Variants in KLK15 observed in about 807,000 individuals in gnomAD.
KLK15 encodes the protein kallikrein-15.
Under a neutral mutation model 21.1 loss-of-function variants are expected in KLK15, and 19 were observed. The observed-to-expected ratio is 0.90, with a 90% confidence interval of 0.63 to 1.32. KLK15 has a LOEUF of 1.32. KLK15 is among the 40% of genes most tolerant of loss of function. The pLI is 0.00. For synonymous variants in KLK15, 141 were observed against 141.5 expected (o/e 1.00, Z 0.03); for missense variants, 345 against 348.6 (o/e 0.99, Z 0.08).
exon 1 of KLK15, chr19:50,831,511 GT>G (rs2089985451): frequency 6.9e-7 from 1 of 1,458,336 alleles, no homozygotes; most frequent in African/African-American, 1.5e-5. Flanking sequence ...AGGGACCAGG[GT>G]TCGGCTGCAG....
At position 50,827,225 on chromosome 19, in the gene KLK15, A is replaced by T. The variant is rs949793730; in HGVS notation, c.198-64T>A. On this transcript the variant is annotated intron_variant, in intron 2 of 4. Coordinates refer to ENST00000598239, the Ensembl canonical transcript of KLK15. The stretch of plus-strand genomic sequence containing the variant: ...GCCAGTGGTTACCCGCAAGTAGAGG[A>T]CAGAAAGATCAAAGAGTGGGCAACC... 3.4e-6 allele frequency: 5 copies of T among 1,491,480 alleles called. No homozygotes were observed. In the African/African-American group the frequency reaches 5.5e-5, roughly 17 times the overall value. 92.4% of individuals were successfully genotyped at this position (1,491,480 alleles called of 1,614,324 possible). A position where few individuals can be genotyped will look rare whatever the true frequency, so the allele number is the denominator to read the frequency against.
downstream of KLK15, chr19:50,825,527 G>A: frequency 6.4e-6 from 2 of 312,080 alleles, no homozygotes; most frequent in African/African-American, 2.1e-5. Flanking sequence ...AAGGAACAGT[G>A]TACAGTGTCT....
Position 50,831,462 on chromosome 19 carries a change from GC to G in KLK15, c.30del (p.Leu11TrpfsTer58). 6.9e-7 allele frequency: 1 copy of G among 1,443,236 alleles called. No individual in the cohort carries two copies. Among genetic ancestry groups the G allele is most frequent in the Non-Finnish European group, 9.1e-7 (1 of 1,103,496 alleles). The allele number at this position is 1,443,236 out of a possible 1,614,324, so 89.4% of individuals were successfully genotyped here. On this transcript the variant is annotated frameshift_variant, in exon 1 of 5. Coordinates refer to ENST00000598239, the Ensembl canonical transcript of KLK15. LOFTEE classifies it high-confidence loss of function. The stretch of plus-strand genomic sequence containing the variant: ...GGGGCCACCTCACCTGTGGATGCCA[GC>G]AGGAAGGAGAGAGTGAGGAGAAGCC...
Position 50,827,404 on chromosome 19 carries a change from C to T in KLK15, c.198-243G>A, listed in dbSNP as rs372213030. On this transcript the variant is annotated intron_variant, in intron 2 of 4. Coordinates refer to ENST00000598239, the Ensembl canonical transcript of KLK15. ...ATCCCCTCCAACTACTCCCAGCCCC[C>T]TCCTGGTCTGTCCCCGAATCCAGGA... 1.1e-4 allele frequency among the ~76,000 whole-genome samples: 17 copies of T among 151,848 alleles called. No individual in the cohort carries two copies. The East Asian group carries it at 3.1e-3, about 28-fold the overall frequency.
At chr19:50,833,390 G>T (rs1020371298), upstream of KLK15, among the ~76,000 whole-genome samples, 1 of 152,126 alleles carries the variant, frequency 6.6e-6, no homozygotes, top group African/African-American at 2.4e-5. Context: ...TCAATTTGGG[G>T]CATTGGTAAA....
At chr19:50,833,019 A>T (rs2090016080), upstream of KLK15, 1 of 152,250 alleles carries the variant, frequency 6.6e-6, no homozygotes, top group African/African-American at 2.4e-5. Context: ...CTCTTCTGGG[A>T]GGCCCCAACA....
At chr19:50,826,686 G>A in exon 4 of KLK15, 1 of 1,613,962 alleles carries the variant, frequency 6.2e-7, no homozygotes, top group Non-Finnish European at 8.5e-7. Context: ...AGGCGCCCTG[G>A]GTAGCTCTTG....
At chr19:50,828,438 G>T (rs546449551) in intron 1 of KLK15, among the ~76,000 whole-genome samples, 1 of 151,624 alleles carries the variant, frequency 6.6e-6, no homozygotes, top group Non-Finnish European at 1.5e-5. Context: ...AGTCATTCAC[G>T]GTCACCAAAT....
At chr19:50,829,891 A>G (rs1003957066) in intron 1 of KLK15, among the ~76,000 whole-genome samples, 3 of 151,672 alleles carry the variant, frequency 2.0e-5, no homozygotes, top group African/African-American at 7.3e-5. Context: ...GTAGAGTTAG[A>G]GCTGCAGACA....
chr19:50,826,041 C>T lies in KLK15; in HGVS notation c.619-93G>A. 2.3e-6 allele frequency: 3 copies of T among 1,284,022 alleles called. No individual in the cohort carries two copies. In the East Asian group the frequency reaches 7.4e-5, roughly 32 times the overall value. 79.5% of individuals were successfully genotyped at this position (1,284,022 alleles called of 1,614,324 possible). ...TTTGCAATCTCACCCCAAACCCAAT[C>T]CATCCCCATCCCAGGGAACCCCAAC... On this transcript the variant is annotated intron_variant, in intron 4 of 4. Coordinates refer to ENST00000598239, the Ensembl canonical transcript of KLK15.
intron 4 of KLK15, chr19:50,826,169 T>G (rs904563609): frequency 4.7e-5 from 25 of 528,840 alleles, no homozygotes; most frequent in Non-Finnish European, 8.0e-5. Flanking sequence ...CCAACCTATA[T>G]CCAATCTCAC....
chr19:50,829,008 G>A (rs998692193), intron 1 of KLK15, among the ~76,000 whole-genome samples: 1 of 140,336 alleles, frequency 7.1e-6, no homozygotes, highest in Admixed American at 7.2e-5. Flanking sequence ...TCACAGCACA[G>A]ATGTTCATAT....
downstream of KLK15, chr19:50,825,567 T>C (rs574121649): frequency 7.0e-5 from 29 of 412,056 alleles, no homozygotes; most frequent in African/African-American, 5.1e-4. Context: ...CAGAAAAAAG[T>C]CACAGAAATT....
upstream of KLK15, among the ~76,000 whole-genome samples, chr19:50,832,878 A>G (rs2090014530): frequency 6.6e-6 from 1 of 151,718 alleles, no homozygotes; most frequent in Non-Finnish European, 1.5e-5. Flanking sequence ...AGCTGGTCTG[A>G]CTCCACTCTG....
downstream of KLK15, chr19:50,825,721 C>G (rs1000854107): frequency 1.3e-6 from 2 of 1,485,988 alleles, no homozygotes; most frequent in African/African-American, 2.8e-5. Context: ...CCGTTCTGTT[C>G]CATGTCAGGC....
intron 1 of KLK15, 58 bp downstream of exon 2, chr19:50,831,392 T>C (rs1285057491): frequency 7.8e-7 from 1 of 1,281,946 alleles, no homozygotes. Context: ...GGCCCAGACA[T>C]GCTTGGGAAG....
At chr19:50,831,589 A>G (rs965284122), upstream of KLK15, 4 of 961,486 alleles carry the variant, frequency 4.2e-6, no homozygotes, top group African/African-American at 5.3e-5. Flanking sequence ...ATCCCTCCAG[A>G]CACAGACTTA....
intron 1 of KLK15, chr19:50,831,232 G>A (rs1007698283): frequency 1.0e-5 from 4 of 400,738 alleles, no homozygotes; most frequent in South Asian, 7.8e-5. Flanking sequence ...GTTCCTTGTC[G>A]TGGGCAGCGA....
chr19:50,831,896 C>G (rs1337136638), upstream of KLK15, among the ~76,000 whole-genome samples: 1 of 151,898 alleles, frequency 6.6e-6, no homozygotes, highest in Non-Finnish European at 1.5e-5. Flanking sequence ...ACTGCAAGCT[C>G]CACCTCCCAG....
Sources: gnomAD v4.1 joint callset for allele counts (sites outside exome capture counted in the v4.1 genomes callset) on GRCh38, gnomAD v4.1.1 for gene constraint, MANE v1.5 for transcripts, NCBI Gene and HGNC (gene_info 2026-07-23, HGNC 2026-07-21) for gene names.